Variants in RPS6KA5 observed in about 807,000 individuals in gnomAD.
RPS6KA5 encodes the protein ribosomal protein S6 kinase alpha-5.
A neutral mutation model predicts 85.5 loss-of-function variants in RPS6KA5; 27 were observed. That is an observed-to-expected ratio of 0.32 (90% CI 0.23 to 0.44). The LOEUF (loss-of-function observed/expected upper bound fraction) is 0.44. Ranked by LOEUF, RPS6KA5 falls within the 20% of genes least tolerant of loss-of-function variation. The pLI is 1.00. For synonymous variants in RPS6KA5, 334 were observed against 348.2 expected (o/e 0.96, Z 0.46); for missense variants, 811 against 980.9 (o/e 0.83, Z 2.31).
chr14:90,977,024 C>T (rs1173033620), intron 3 of RPS6KA5, among the ~76,000 whole-genome samples: 1 of 152,138 alleles, frequency 6.6e-6, no homozygotes, highest in Non-Finnish European at 1.5e-5. Context: ...GACTTGAGCT[C>T]CAATCTTCAA....
At chr14:90,988,014 C>A (rs1041358271) in intron 2 of RPS6KA5, among the ~76,000 whole-genome samples, 2 of 152,172 alleles carry the variant, frequency 1.3e-5, no homozygotes, top group African/African-American at 4.8e-5. Context: ...GCACCCAGAA[C>A]AGTGTCTGCC....
intron 1 of RPS6KA5, among the ~76,000 whole-genome samples, chr14:91,034,325 T>C (rs765109305): frequency 5.3e-5 from 8 of 149,816 alleles, no homozygotes; most frequent in Non-Finnish European, 7.4e-5. Context: ...AAAAAAAAGA[T>C]AAATTTGATC....
intron 3 of RPS6KA5, among the ~76,000 whole-genome samples, chr14:90,959,577 G>A (rs1409301468): frequency 1.3e-5 from 2 of 152,132 alleles, no homozygotes; most frequent in Non-Finnish European, 2.9e-5. Context: ...AGGTTTGGAA[G>A]GGGCTATCCA....
chr14:91,019,719 C>T (rs1481997030), intron 1 of RPS6KA5, among the ~76,000 whole-genome samples: 3 of 152,148 alleles, frequency 2.0e-5, no homozygotes, highest in Non-Finnish European at 4.4e-5. Flanking sequence ...TTGGCAGTAG[C>T]GGTAAGCCAT....
intron 6 of RPS6KA5, 37 bp downstream of exon 6, chr14:90,923,076 T>C (rs746227084): frequency 2.2e-5 from 32 of 1,435,842 alleles, no homozygotes; most frequent in African/African-American, 4.2e-5. Context: ...GTACATTTTA[T>C]AGAAATACAT....
intron 3 of RPS6KA5, among the ~76,000 whole-genome samples, chr14:90,973,755 G>A (rs2039428595): frequency 6.6e-6 from 1 of 152,082 alleles, no homozygotes; most frequent in Admixed American, 6.6e-5. Flanking sequence ...ACCAGTATCA[G>A]GGCGGGCGTG....
intron 1 of RPS6KA5, among the ~76,000 whole-genome samples, chr14:91,036,181 T>A (rs561500167): frequency 3.9e-5 from 6 of 152,284 alleles, no homozygotes; most frequent in African/African-American, 1.4e-4. Flanking sequence ...ATGGCCCAAC[T>A]TGTATACTGG....
At chr14:91,031,562 G>T (rs1486739859) in intron 1 of RPS6KA5, among the ~76,000 whole-genome samples, 1 of 152,094 alleles carries the variant, frequency 6.6e-6, no homozygotes. Context: ...AAGAAAAAAA[G>T]AACTCATGGG....
chr14:90,949,425 T>C (rs1477511025), intron 3 of RPS6KA5, among the ~76,000 whole-genome samples: 1 of 152,240 alleles, frequency 6.6e-6, no homozygotes, highest in African/African-American at 2.4e-5. Context: ...TTACTTTCTC[T>C]GCTAAAGTAA....
rs2032318845 is a variant in RPS6KA5 at position 90,856,993 on chromosome 14, G to A, written c.*15081C>T. 6.6e-6 allele frequency: 1 copy of A among 152,528 alleles called. No individual in the cohort carries two copies. The highest frequency in any genetic ancestry group is 2.4e-5 in the African/African-American group (1 of 41,418). 9.4% of individuals were successfully genotyped at this position (152,528 alleles called of 1,614,324 possible). ...CATTCCAAAGGGGCTACAATTTCGA[G>A]AATACCAAGCCACAGGTGCTCAAGA... On this transcript the variant is annotated 3_prime_UTR_variant, in exon 17 of 17. Coordinates refer to ENST00000614987, the MANE Select transcript of RPS6KA5 (RefSeq NM_004755.4).
At position 90,872,236 on chromosome 14, in the gene RPS6KA5, A is replaced by G. The variant is rs763582371; in HGVS notation, c.2247T>C (p.Thr749=). 2 of 1,613,904 alleles carry G rather than the reference A, an allele frequency of 1.2e-6. No individual in the cohort carries two copies. Among genetic ancestry groups the G allele is most frequent in the African/African-American group, 2.7e-5 (2 of 74,876 alleles). The part of the protein sequence containing the change: ...PLAKRRKMKK[T]STSTETRSSS... ...TGCTGCGCGTCTCGGTACTGGTGCT[A>G]GTCTTTTTCATTTTTCTTCTCTTAG... Residue 749 remains threonine, a synonymous_variant, in exon 17 of 17, where the codon ACT becomes ACC. Coordinates refer to ENST00000614987, the MANE Select transcript of RPS6KA5 (RefSeq NM_004755.4).
chr14:91,050,951 G>A (rs1023686310), intron 1 of RPS6KA5, among the ~76,000 whole-genome samples: 2 of 152,168 alleles, frequency 1.3e-5, no homozygotes, highest in Admixed American at 6.5e-5. Flanking sequence ...CATAGGGTCA[G>A]GTGTGGTGGC....
chr14:91,027,541 C>T (rs1417740506), intron 1 of RPS6KA5, among the ~76,000 whole-genome samples: 1 of 152,044 alleles, frequency 6.6e-6, no homozygotes, highest in Non-Finnish European at 1.5e-5. Context: ...GGCTTCATAC[C>T]AGACTTTCTA....
intron 4 of RPS6KA5, among the ~76,000 whole-genome samples, chr14:90,943,641 T>C (rs2037712027): frequency 6.6e-6 from 1 of 152,230 alleles, no homozygotes; most frequent in African/African-American, 2.4e-5. Context: ...TACCTATACA[T>C]GACTGATATT....
chr14:90,929,528 T>C (rs569725001), intron 5 of RPS6KA5, among the ~76,000 whole-genome samples: 2 of 152,074 alleles, frequency 1.3e-5, no homozygotes, highest in Non-Finnish European at 2.9e-5. Flanking sequence ...ACAAAATGTA[T>C]AAATAGAAAT....
At chr14:90,889,582 A>C (rs573850301) in intron 14 of RPS6KA5, among the ~76,000 whole-genome samples, 1 of 152,304 alleles carries the variant, frequency 6.6e-6, no homozygotes, top group African/African-American at 2.4e-5. Context: ...ACAAACACAA[A>C]CACATATATA....
intron 14 of RPS6KA5, among the ~76,000 whole-genome samples, chr14:90,884,079 C>A (rs754430260): frequency 6.6e-6 from 1 of 152,188 alleles, no homozygotes; most frequent in African/African-American, 2.4e-5. Context: ...TGGTGGCAGG[C>A]ACAACAACAA....
At chr14:91,025,921 G>A (rs144894234) in intron 1 of RPS6KA5, among the ~76,000 whole-genome samples, 10 of 152,128 alleles carry the variant, frequency 6.6e-5, no homozygotes, top group African/African-American at 1.4e-4. Flanking sequence ...GAGATGTGGC[G>A]TACAAATGAT....
At chr14:90,923,286 A>G (rs2036495322) in intron 5 of RPS6KA5, 90 bp from the exon 6 acceptor site, 2 of 1,006,868 alleles carry the variant, frequency 2.0e-6, no homozygotes, top group South Asian at 1.3e-5. Context: ...TGGTTGAGAT[A>G]CACTATAGTG....
Sources: allele counts gnomAD v4.1 joint callset (sites outside exome capture counted in the v4.1 genomes callset), GRCh38; gene constraint gnomAD v4.1.1; transcripts MANE v1.5; gene names NCBI Gene and HGNC (gene_info 2026-07-23, HGNC 2026-07-21).